GRM7: variants seen among roughly 807,000 people sequenced by gnomAD.
GRM7 encodes the protein glutamate metabotropic receptor 7, also known as metabotropic glutamate receptor 7.
In GRM7, 35 loss-of-function variants were observed where a neutral mutation model predicts 84.5. The ratio of observed to expected loss-of-function variants is 0.41; its 90% CI spans 0.32 to 0.55. The LOEUF (loss-of-function observed/expected upper bound fraction) is 0.55, where lower values mean the gene tolerates loss of function less well. GRM7 is among the 20% of genes least tolerant of loss of function. GRM7 has a pLI of 0.19. For missense variants in GRM7, 1,003 were observed against 1,194.6 expected (o/e 0.84, Z 2.36); for synonymous variants, 487 against 455.1 (o/e 1.07, Z -0.89).
chr3:7,607,706 A>C (rs1696651309), intron 8 of GRM7: 1 of 147,068 alleles, frequency 6.8e-6, no homozygotes, highest in Non-Finnish European at 1.5e-5. Flanking sequence ...CAGCAGACTC[A>C]CAGAGCTCGT....
At chr3:6,917,125 T>C (rs1696967793) in intron 1 of GRM7, among the ~76,000 whole-genome samples, 1 of 152,186 alleles carries the variant, frequency 6.6e-6, no homozygotes. Flanking sequence ...TTCTCAACTG[T>C]CCATTGATAA....
At chr3:7,211,377 C>T (rs1696422488) in intron 2 of GRM7, among the ~76,000 whole-genome samples, 1 of 152,016 alleles carries the variant, frequency 6.6e-6, no homozygotes, top group South Asian at 2.1e-4. Context: ...TTAATAGCAC[C>T]CTCTGGGATT....
rs1384697126 is a variant in GRM7, at chr3:7,732,628, A to G, written c.2699-7729A>G. Among the ~76,000 whole-genome samples, 7 of 152,214 alleles carry G rather than the reference A, an allele frequency of 4.6e-5. No homozygotes were observed. The East Asian group carries it at 1.3e-3, about 29-fold the overall frequency. On this transcript the variant is annotated intron_variant, in intron 9 of 9. Transcript: ENST00000357716. ...AATATTTCCCTGTGGCTTCTCAAGT[A>G]CGACTGCTTTAGCATTAAAGGCTTT...
At chr3:7,542,370 T>G (rs1033581078) in intron 7 of GRM7, among the ~76,000 whole-genome samples, 1 of 152,182 alleles carries the variant, frequency 6.6e-6, no homozygotes, top group Non-Finnish European at 1.5e-5. Flanking sequence ...CCTGCTGCTC[T>G]CAGCCTGGAA....
intron 1 of GRM7, among the ~76,000 whole-genome samples, chr3:7,010,240 C>T (rs1481071819): frequency 6.6e-6 from 1 of 152,154 alleles, no homozygotes; most frequent in South Asian, 2.1e-4. Flanking sequence ...TGCCTGAGCT[C>T]TGGAGTTGGA....
intron 7 of GRM7, among the ~76,000 whole-genome samples, chr3:7,542,583 C>G (rs552032612): frequency 8.2e-5 from 12 of 145,932 alleles, no homozygotes. Flanking sequence ...GAGTCTCACT[C>G]TGTCGCCAGA....
chr3:7,255,284 G>A (rs183506798), intron 2 of GRM7, among the ~76,000 whole-genome samples: 2 of 152,296 alleles, frequency 1.3e-5, no homozygotes, highest in African/African-American at 4.8e-5. Context: ...TGTGCTCTTA[G>A]ACTCTGGAAC....
chr3:7,443,111 G>A (rs1055029447), intron 5 of GRM7, among the ~76,000 whole-genome samples: 1 of 150,912 alleles, frequency 6.6e-6, no homozygotes, highest in Non-Finnish European at 1.5e-5. Flanking sequence ...ATTTTCATGA[G>A]CATCATGTGA....
At chr3:6,883,122 A>G (rs894313702) in intron 1 of GRM7, among the ~76,000 whole-genome samples, 3 of 152,160 alleles carry the variant, frequency 2.0e-5, no homozygotes, top group African/African-American at 4.8e-5. Context: ...AAAACATGAG[A>G]CCTACATGAT....
At chr3:7,310,904 A>T (rs1444479598) in intron 4 of GRM7, among the ~76,000 whole-genome samples, 2 of 152,040 alleles carry the variant, frequency 1.3e-5, no homozygotes, top group Non-Finnish European at 2.9e-5. Context: ...AGATCTCTGC[A>T]TTCTCTGAGC....
chr3:6,908,462 C>T lies in GRM7; in HGVS notation c.519+46555C>T, dbSNP rs142901854. Among the ~76,000 whole-genome samples, 369 of 152,288 alleles carry T rather than the reference C, an allele frequency of 2.4e-3. 3 individuals are homozygous for T. Among genetic ancestry groups the T allele is most frequent in the Non-Finnish European group, 3.8e-3 (259 of 68,018 alleles). On this transcript the variant is annotated intron_variant, in intron 1 of 9. Transcript: ENST00000357716. ...CCTGAAAGGGCAGATGTGTTTTTCCCTCATTTCGCAGATGAAAAAACTGAG... is the reference window on the plus strand; with the variant it reads ...CCTGAAAGGGCAGATGTGTTTTTCCTTCATTTCGCAGATGAAAAAACTGAG...
intron 1 of GRM7, among the ~76,000 whole-genome samples, chr3:7,118,485 G>A (rs776597748): frequency 1.3e-5 from 2 of 149,204 alleles, no homozygotes; most frequent in African/African-American, 2.5e-5. Context: ...ATTTAATCTA[G>A]TATGTCCTTT....
chr3:7,008,639 T>C (rs181639848), intron 1 of GRM7, among the ~76,000 whole-genome samples: 1 of 152,332 alleles, frequency 6.6e-6, no homozygotes, highest in East Asian at 1.9e-4. Flanking sequence ...GATGATGATT[T>C]TGTGTCTCTC....
intron 1 of GRM7, among the ~76,000 whole-genome samples, chr3:7,026,427 G>A (rs1300607052): frequency 6.6e-6 from 1 of 152,224 alleles, no homozygotes; most frequent in Non-Finnish European, 1.5e-5. Flanking sequence ...ACTTACTCTT[G>A]ATTATAAATG....
intron 1 of GRM7, among the ~76,000 whole-genome samples, chr3:6,897,881 G>A (rs1696241626): frequency 2.0e-5 from 3 of 152,192 alleles, no homozygotes; most frequent in Non-Finnish European, 2.9e-5. Context: ...CAGGGAAGGA[G>A]AAGAAAGGCA....
intron 2 of GRM7, among the ~76,000 whole-genome samples, chr3:7,196,156 C>T (rs1305591819): frequency 1.3e-5 from 2 of 151,982 alleles, no homozygotes; most frequent in East Asian, 3.9e-4. Flanking sequence ...CAGGAAAAGG[C>T]TATGTTGCAG....
intron 4 of GRM7, among the ~76,000 whole-genome samples, chr3:7,388,726 G>C (rs1694879674): frequency 6.6e-6 from 1 of 152,028 alleles, no homozygotes; most frequent in African/African-American, 2.4e-5. Context: ...TGTACATAGA[G>C]ATGTTCATAG....
intron 1 of GRM7, among the ~76,000 whole-genome samples, chr3:6,969,436 T>C (rs1229505230): frequency 6.6e-6 from 1 of 152,176 alleles, no homozygotes; most frequent in African/African-American, 2.4e-5. Context: ...GGTCGCATAG[T>C]GTATCAGTGA....
chr3:7,650,319 G>T (rs1261240943), intron 8 of GRM7, among the ~76,000 whole-genome samples: 1 of 152,122 alleles, frequency 6.6e-6, no homozygotes, highest in Non-Finnish European at 1.5e-5. Context: ...CTCCCTTTCT[G>T]ATCTGAACCC....
Sources: gnomAD v4.1 joint callset for allele counts (sites outside exome capture counted in the v4.1 genomes callset) on GRCh38, gnomAD v4.1.1 for gene constraint, MANE v1.5 for transcripts, NCBI Gene and HGNC (gene_info 2026-07-23, HGNC 2026-07-21) for gene names.